WRAP73: variants seen among roughly 807,000 people sequenced by gnomAD.
WRAP73 encodes WD repeat-containing protein WRAP73.
A neutral mutation model predicts 59.6 loss-of-function variants in WRAP73; 55 were observed. The ratio of observed to expected loss-of-function variants is 0.92; its 90% CI spans 0.74 to 1.15. The LOEUF is 1.15. Ranked by LOEUF, WRAP73 falls within the 50% of genes most tolerant of loss-of-function variation. The probability of loss-of-function intolerance (pLI) is 0.00; values close to 1 mark genes in which losing one functional copy is unlikely to be tolerated. For missense variants in WRAP73, 592 were observed against 608.1 expected, an observed-to-expected ratio of 0.97 and a Z score of 0.28; for synonymous variants, 265 against 258.2, an observed-to-expected ratio of 1.03 and a Z score of -0.25.
intron 1 of WRAP73, among the ~76,000 whole-genome samples, chr1:3,647,855 T>C (rs1273586805): frequency 6.6e-6 from 1 of 152,272 alleles, no homozygotes; most frequent in African/African-American, 2.4e-5. Flanking sequence ...CTTATCTGTA[T>C]GTTAAAAACT....
Position 3,646,620 on chromosome 1 carries a change from G to T in WRAP73, c.339+46C>A. The T allele has an allele frequency of 6.6e-7, 1 of 1,523,208 alleles. No individual in the cohort carries two copies. Among genetic ancestry groups the T allele is most frequent in the Non-Finnish European group, 9.0e-7 (1 of 1,110,454 alleles). 94.4% of individuals were successfully genotyped at this position (1,523,208 alleles called of 1,614,324 possible). On this transcript the variant is annotated intron_variant, in intron 3 of 11. Coordinates refer to ENST00000270708, the MANE Select transcript of WRAP73 (RefSeq NM_017818.4). This position sits in a 1 kb window ranked among gnomAD's most constrained non-coding sequence, Gnocchi z 5.1. Reference sequence around the variant, plus strand: ...ACTCCCCAGCTGTTTCGAGAGCAGAGGACAGGATCACATGGCCAGTAAGGT... The same window carrying T: ...ACTCCCCAGCTGTTTCGAGAGCAGATGACAGGATCACATGGCCAGTAAGGT...
At chr1:3,631,409 G>A in intron 11 of WRAP73, 57 bp downstream of exon 11, 1 of 1,537,422 alleles carries the variant, frequency 6.5e-7, no homozygotes. Flanking sequence ...CAGCCCGTGT[G>A]ATGCCAGACT....
At position 3,635,238 on chromosome 1, in the gene WRAP73, G is replaced by A. The variant is rs778717318; in HGVS notation, c.660C>T (p.Tyr220=). The A allele has an allele frequency of 2.5e-5, 40 of 1,613,920 alleles. No homozygotes were observed. Among genetic ancestry groups the A allele is most frequent in the Middle Eastern group, 1.6e-4 (1 of 6,084 alleles). ...CAGACTTGATGCCCAGGGACCACTC[G>A]TAAGCGCTGTACGTGGACAACAACC... ...DGRLLSTYSA[Y]EWSLGIKSVA... The change falls in exon 7 of 12, where the codon TAC becomes TAT. Residue 220 remains tyrosine (Y), a synonymous_variant. Coordinates refer to ENST00000270708, the MANE Select transcript of WRAP73 (RefSeq NM_017818.4).
chr1:3,631,968 C>T lies in WRAP73; in HGVS notation c.1048+245G>A, dbSNP rs563472067. ...GCAGTGTGCCCAGCCCTGCTTTCTACTCAGCAGAGTGGAGCAAGTGAGCAG... is the reference window on the plus strand; with the variant it reads ...GCAGTGTGCCCAGCCCTGCTTTCTATTCAGCAGAGTGGAGCAAGTGAGCAG... On this transcript the variant is annotated intron_variant, in intron 10 of 11. Transcript: ENST00000270708. The T allele has an allele frequency of 2.6e-4, 367 of 1,401,088 alleles. 2 individuals carry two copies. In the South Asian group the frequency reaches 5.3e-3, roughly 20 times the overall value. The allele number at this position is 1,401,088 out of a possible 1,614,324, so 86.8% of individuals were successfully genotyped here. A position where few individuals can be genotyped will look rare whatever the true frequency, so the allele number is the denominator to read the frequency against.
chr1:3,643,629 A>G (rs1473557960), intron 3 of WRAP73, among the ~76,000 whole-genome samples: 76 of 134,922 alleles, frequency 5.6e-4, no homozygotes, highest in African/African-American at 1.9e-3. Context: ...AGCCCCGGAC[A>G]TGGGGTCGCG....
At chr1:3,634,952 C>T in intron 8 of WRAP73, 45 bp downstream of exon 8, 1 of 1,606,576 alleles carries the variant, frequency 6.2e-7, no homozygotes. Context: ...TCCCACCGCC[C>T]TCCCCAACAG....
chr1:3,637,135 C>A, intron 4 of WRAP73, 37 bp from the exon 5 acceptor site: 1 of 1,550,054 alleles, frequency 6.5e-7, no homozygotes, highest in South Asian at 1.2e-5. Flanking sequence ...ATCAAGCGGC[C>A]ACAAAATCAA....
chr1:3,649,773 ACCTGCCCCGGGTACCTGCC>A (rs1326903786), intron 1 of WRAP73, among the ~76,000 whole-genome samples, 139 bp downstream of exon 1: 16 of 151,442 alleles, frequency 1.1e-4, no homozygotes, highest in African/African-American at 3.9e-4. Context: ...CAGACACTGC[ACCTGCCCCGGGTACCTGCC>A]CGGGCCCCGC....
rs765395562 is a variant in WRAP73, at chr1:3,646,624, A to G, written c.339+42T>C. On this transcript the variant is annotated intron_variant, in intron 3 of 11. Coordinates refer to ENST00000270708, the MANE Select transcript of WRAP73 (RefSeq NM_017818.4). The surrounding 1 kb of genome is among the most constrained non-coding windows in gnomAD (Gnocchi z 5.1). ...CCCAGCTGTTTCGAGAGCAGAGGAC[A>G]GGATCACATGGCCAGTAAGGTGTCT... 6.5e-7 allele frequency: 1 copy of G among 1,532,864 alleles called. No homozygotes were observed. Among genetic ancestry groups the G allele is most frequent in the African/African-American group, 1.4e-5 (1 of 72,584 alleles). 95.0% of individuals were successfully genotyped at this position (1,532,864 alleles called of 1,614,324 possible). A position where few individuals can be genotyped will look rare whatever the true frequency, so the allele number is the denominator to read the frequency against.
At position 3,637,054 on chromosome 1, in the gene WRAP73, G is replaced by A. The variant is rs114959668; in HGVS notation, c.457C>T (p.Arg153Trp). 2.2e-5 allele frequency: 35 copies of A among 1,613,260 alleles called. No homozygotes were observed. The highest frequency in any genetic ancestry group is 2.5e-5 in the Non-Finnish European group (30 of 1,179,966). ...CTCACGTAATCTTTGCAGTCGCGCCGTTCTGCCAGCGCCATGTAGCGGCCG... is the reference window on the plus strand; with the variant it reads ...CTCACGTAATCTTTGCAGTCGCGCCATTCTGCCAGCGCCATGTAGCGGCCG... ...RDGRYMALAE[R>W]RDCKDYVSIF... Residue 153 changes from arginine to tryptophan, a missense_variant, in exon 5 of 12, where the codon CGG becomes TGG. Coordinates refer to ENST00000270708, the MANE Select transcript of WRAP73 (RefSeq NM_017818.4).
chr1:3,633,342 A>G, intron 9 of WRAP73, 56 bp downstream of exon 9: 1 of 1,502,114 alleles, frequency 6.7e-7, no homozygotes, highest in South Asian at 1.1e-5. Flanking sequence ...TTATCTGGAC[A>G]ACGAGGAATC....
intron 1 of WRAP73, among the ~76,000 whole-genome samples, chr1:3,648,112 C>T (rs913721189): frequency 6.6e-6 from 1 of 152,196 alleles, no homozygotes; most frequent in Non-Finnish European, 1.5e-5. Flanking sequence ...AAAGATGCTT[C>T]GCAAATGCTC....
intron 11 of WRAP73, 158 bp from the exon 12 acceptor site, chr1:3,631,275 T>C (rs189289770): frequency 2.2e-6 from 3 of 1,360,914 alleles, no homozygotes; most frequent in Non-Finnish European, 3.0e-6. Context: ...AGGGAGAGGC[T>C]GCTTCTAGCC....
At position 3,647,530 on chromosome 1, in the gene WRAP73, G is replaced by A. The variant is rs752285778; in HGVS notation, c.100C>T (p.Arg34Trp). ...AGGATCTGAAGGGTGTTCACATCCC[G>A]GACCACTAACCGGTACTGGACACAG... The part of the protein sequence containing the change: ...ASCVQYRLVV[R>W]DVNTLQILQL... Residue 34 changes from arginine (R) to tryptophan (W), a missense_variant, in exon 2 of 12, where the codon CGG becomes TGG. Arg to Trp is a moderately radical substitution (Grantham distance 101). Transcript: ENST00000270708. 1.4e-5 allele frequency: 23 copies of A among 1,613,616 alleles called. No individual in the cohort carries two copies. The highest frequency in any genetic ancestry group is 4.4e-5 in the South Asian group (4 of 91,052).
chr1:3,647,585 C>T (rs373085866), intron 1 of WRAP73, 25 bp from the exon 2 acceptor site: 56 of 1,606,680 alleles, frequency 3.5e-5, no homozygotes, highest in African/African-American at 1.1e-4. Flanking sequence ...AAAGCAAGCA[C>T]CTGACATTCT....
chr1:3,638,794 G>T lies in WRAP73; in HGVS notation c.368C>A (p.Thr123Lys). 1.9e-6 allele frequency: 3 copies of T among 1,614,174 alleles called. No individual in the cohort carries two copies. The highest frequency in any genetic ancestry group is 2.5e-6 in the Non-Finnish European group (3 of 1,180,012). Residue 123 changes from threonine (T) to lysine (K), a missense_variant, in exon 4 of 12, where the codon ACA (threonine) becomes AAA (lysine). Physicochemically the swap from Thr to Lys is moderately conservative, Grantham distance 78. Transcript: ENST00000270708. ...HLRITVWSLCTKSVSYIKYPK... is the reference protein window; with the variant it reads ...HLRITVWSLCKKSVSYIKYPK... The stretch of plus-strand genomic sequence containing the variant: ...GTATTTGATGTAAGACACGGATTTT[G>T]TGCACAAGGACCAGACGGTTATCCG...
At chr1:3,631,165 T>A in intron 11 of WRAP73, 48 bp from the exon 12 acceptor site, 1 of 1,609,606 alleles carries the variant, frequency 6.2e-7, no homozygotes, top group Non-Finnish European at 8.5e-7. Flanking sequence ...GAGGCCCAGA[T>A]TCTGGGGGAT....
At position 3,633,425 on chromosome 1, in the gene WRAP73, C is replaced by T. The variant is rs767884998; in HGVS notation, c.895G>A (p.Gly299Ser). The T allele has an allele frequency of 6.8e-6, 11 of 1,612,432 alleles. No individual in the cohort carries two copies. The highest frequency in any genetic ancestry group is 5.0e-5 in the Admixed American group (3 of 59,934). ...LSFPPPRAGA[G>S]PLPSSESKYE... ...TTACTCTCTGAGCTCGGGAGAGGGC[C>T]GGCCCCGGCCCGGGGCGGCGGGAAG... Residue 299 changes from glycine (G) to serine (S), a missense_variant, in exon 9 of 12, where the codon GGC becomes AGC. Transcript: ENST00000270708.
intron 10 of WRAP73, 162 bp downstream of exon 10, chr1:3,632,051 C>A: frequency 1.3e-6 from 2 of 1,491,880 alleles, no homozygotes. Flanking sequence ...AAAGGCCCAG[C>A]GCCTCCAAGG....
Sources: allele counts gnomAD v4.1 joint callset (sites outside exome capture counted in the v4.1 genomes callset), GRCh38; gene constraint gnomAD v4.1.1; non-coding constraint Gnocchi (gnomAD v3.1); transcripts MANE v1.5; gene names NCBI Gene and HGNC (gene_info 2026-07-23, HGNC 2026-07-21).